The following RASSF3 variants were observed in gnomAD, a reference collection of about 807,000 sequenced individuals.
The protein encoded by RASSF3 is ras association domain-containing protein 3.
RASSF3 carries 19 observed loss-of-function variants against 19.9 expected under a neutral mutation model. The observed-to-expected ratio is 0.96, with a 90% confidence interval of 0.67 to 1.40. The LOEUF is 1.40. RASSF3 is among the 40% of genes most tolerant of loss of function. The pLI is 0.00. For missense variants in RASSF3, 306 were observed against 289.8 expected (o/e 1.06, Z -0.41); for synonymous variants, 110 against 104.2 (o/e 1.06, Z -0.34).
At chr12:64,541,885 G>A (rs1378910300), downstream of RASSF3, among the ~76,000 whole-genome samples, 2 of 152,090 alleles carry the variant, frequency 1.3e-5, no homozygotes, top group Middle Eastern at 6.8e-3. Flanking sequence ...CTTAATCTTG[G>A]GTTATAATTT....
chr12:64,607,153 A>C (rs562427612), upstream of RASSF3, among the ~76,000 whole-genome samples: 2 of 149,254 alleles, frequency 1.3e-5, no homozygotes, highest in African/African-American at 4.9e-5. Flanking sequence ...GCCTGGTGGC[A>C]TATGCCTGTA....
chr12:64,563,132 AT>A (rs1274958552), intron 2 of RASSF3, among the ~76,000 whole-genome samples: 10 of 150,700 alleles, frequency 6.6e-5, no homozygotes, highest in Non-Finnish European at 7.4e-5. Flanking sequence ...GCCACATAAT[AT>A]TTTTTTCTTT....
chr12:64,680,660 C>G (rs951721927), intron 1 of RASSF3, among the ~76,000 whole-genome samples: 17 of 152,044 alleles, frequency 1.1e-4, no homozygotes, highest in Non-Finnish European at 1.2e-4. Context: ...GTCGCCCAGG[C>G]TGGAGTGCAA....
intron 1 of RASSF3, among the ~76,000 whole-genome samples, chr12:64,676,013 G>A (rs1872885631): frequency 6.6e-6 from 1 of 151,990 alleles, no homozygotes; most frequent in East Asian, 1.9e-4. Context: ...ACCAAGATAA[G>A]CATTGAGTCT....
intron 2 of RASSF3, among the ~76,000 whole-genome samples, chr12:64,582,064 G>A (rs768531696): frequency 5.9e-5 from 9 of 151,974 alleles, no homozygotes; most frequent in Non-Finnish European, 1.0e-4. Context: ...TTGCCCAGGT[G>A]GGGGTCTCAA....
rs115225287 is a variant in RASSF3, at chr12:64,641,474, T to C, written c.111+30731T>C. On this transcript the variant is annotated intron_variant, in intron 1 of 4. Coordinates refer to ENST00000542104, the MANE Select transcript of RASSF3 (RefSeq NM_178169.4). ...CTATGGACGTGGGGGACTAGACCTG[T>C]ACAGTTGTCAAGCCTGGTTTTGAGA... 5.5e-3 allele frequency among the ~76,000 whole-genome samples: 816 copies of C among 149,158 alleles called. 10 individuals are homozygous for C. The highest frequency in any genetic ancestry group is 0.019 in the African/African-American group (752 of 39,326).
At chr12:64,636,139 T>C (rs549160299) in intron 1 of RASSF3, among the ~76,000 whole-genome samples, 90 of 151,554 alleles carry the variant, frequency 5.9e-4, no homozygotes, top group Non-Finnish European at 1.2e-3. Flanking sequence ...TTTTCTGATA[T>C]GGAGTCTCAC....
At chr12:64,559,246 CTTTTT>C (rs56100965) in intron 2 of RASSF3, among the ~76,000 whole-genome samples, 1 of 140,788 alleles carries the variant, frequency 7.1e-6, no homozygotes, top group East Asian at 2.0e-4. Context: ...TTCTTTTTTT[CTTTTT>C]TTTTTTTTTT....
intron 4 of RASSF3, among the ~76,000 whole-genome samples, chr12:64,692,799 A>G (rs2136225922): frequency 6.6e-6 from 1 of 152,094 alleles, no homozygotes; most frequent in African/African-American, 2.4e-5. Context: ...CTGGTCTCAA[A>G]CTCCTGGGCT....
intron 1 of RASSF3, among the ~76,000 whole-genome samples, chr12:64,514,580 G>C (rs1179872734): frequency 6.6e-6 from 1 of 152,094 alleles, no homozygotes; most frequent in Non-Finnish European, 1.5e-5. Context: ...CTGCAGAGGG[G>C]GACCCAGGCT....
At chr12:64,565,832 G>A (rs1397320073) in intron 2 of RASSF3, among the ~76,000 whole-genome samples, 8 of 149,786 alleles carry the variant, frequency 5.3e-5, no homozygotes, top group Non-Finnish European at 1.0e-4. Context: ...GCACTGAAGC[G>A]AGATCTCGCC....
upstream of RASSF3, chr12:64,610,405 G>C (rs1870297287): frequency 6.4e-6 from 1 of 155,100 alleles, no homozygotes; most frequent in Admixed American, 6.6e-5. Flanking sequence ...CGTCCGGGGC[G>C]GGGCCCAGGG....
At chr12:64,667,695 T>C (rs1872572564) in intron 1 of RASSF3, among the ~76,000 whole-genome samples, 1 of 152,214 alleles carries the variant, frequency 6.6e-6, no homozygotes, top group African/African-American at 2.4e-5. Context: ...CAGTCTTCAA[T>C]TGTTGGAGAC....
downstream of RASSF3, among the ~76,000 whole-genome samples, chr12:64,544,393 G>A (rs1869015236): frequency 1.3e-5 from 2 of 152,180 alleles, no homozygotes; most frequent in Admixed American, 1.3e-4. Flanking sequence ...CAGACATGCT[G>A]CTTTCAAGAA....
intron 2 of RASSF3, among the ~76,000 whole-genome samples, chr12:64,591,396 A>T (rs539473402): frequency 6.6e-6 from 1 of 152,136 alleles, no homozygotes; most frequent in South Asian, 2.1e-4. Context: ...GAATTGCATG[A>T]ACCTGGGAGG....
Position 64,695,136 on chromosome 12 carries a change from T to C in RASSF3, c.*224T>C. The C allele has an allele frequency of 2.1e-6, 1 of 469,322 alleles. No homozygotes were observed. Among genetic ancestry groups the C allele is most frequent in the South Asian group, 4.2e-5 (1 of 23,944 alleles). The allele number at this position is 469,322 out of a possible 1,614,324, so 29.1% of individuals were successfully genotyped here. A position where few individuals can be genotyped will look rare whatever the true frequency, so the allele number is the denominator to read the frequency against. On this transcript the variant is annotated 3_prime_UTR_variant, in exon 5 of 5. Coordinates refer to ENST00000542104, the MANE Select transcript of RASSF3 (RefSeq NM_178169.4). ...TGTTCAGCACCGCAGTGTTACCTCTTGGCAAGCTGTGAACCTGTCGCCTCA... is the reference window on the plus strand; with the variant it reads ...TGTTCAGCACCGCAGTGTTACCTCTCGGCAAGCTGTGAACCTGTCGCCTCA...
chr12:64,577,859 T>A (rs980205356), intron 2 of RASSF3, among the ~76,000 whole-genome samples: 1 of 152,204 alleles, frequency 6.6e-6, no homozygotes, highest in African/African-American at 2.4e-5. Context: ...AGAGTTATGA[T>A]TATATGCGAA....
intron 1 of RASSF3, among the ~76,000 whole-genome samples, chr12:64,510,662 C>T (rs544300322): frequency 6.6e-6 from 1 of 152,238 alleles, no homozygotes; most frequent in African/African-American, 2.4e-5. Context: ...CAATAAGTTA[C>T]ATCAAGGCAT....
Position 64,695,021 on chromosome 12 carries a change from C to T in RASSF3, c.*109C>T, listed in dbSNP as rs904080405. ...TCTTGCCCCACTATGCTAGGGTCTTCGCCTTTCTATCTGTAGATTTTGTTC... is the reference window on the plus strand; with the variant it reads ...TCTTGCCCCACTATGCTAGGGTCTTTGCCTTTCTATCTGTAGATTTTGTTC... On this transcript the variant is annotated 3_prime_UTR_variant, in exon 5 of 5. Transcript: ENST00000542104. 2.5e-5 allele frequency: 30 copies of T among 1,203,168 alleles called. No homozygotes were observed. In the East Asian group the frequency reaches 4.8e-4, roughly 19 times the overall value. The allele number at this position is 1,203,168 out of a possible 1,614,324, so 74.5% of individuals were successfully genotyped here.
Sources: gnomAD v4.1 joint callset for allele counts (sites outside exome capture counted in the v4.1 genomes callset) on GRCh38, gnomAD v4.1.1 for gene constraint, MANE v1.5 for transcripts, NCBI Gene and HGNC (gene_info 2026-07-23, HGNC 2026-07-21) for gene names.